Variants in MAST3 observed in about 807,000 individuals in gnomAD.
The protein encoded by MAST3 is microtubule associated serine/threonine kinase 3.
A neutral mutation model predicts 127.0 loss-of-function variants in MAST3; 43 were observed. The observed-to-expected ratio is 0.34, with a 90% CI of 0.27 to 0.44. MAST3 has a LOEUF of 0.44. Ranked by LOEUF, MAST3 falls within the 20% of genes least tolerant of loss-of-function variation. The pLI is 1.00. For synonymous variants in MAST3, 785 were observed against 809.2 expected (o/e 0.97, Z 0.51); for missense variants, 1,390 against 1,919.1 (o/e 0.72, Z 5.15).
intron 5 of MAST3, among the ~76,000 whole-genome samples, chr19:18,122,469 C>G (rs273486): frequency 0.94 from 142,156 of 151,018 alleles, 66,941 homozygotes; most frequent in East Asian, 0.96. Flanking sequence ...GGCAGCTGGA[C>G]TCACGGGGGG....
chr19:18,124,202 G>A (rs1291197964), intron 9 of MAST3, 54 bp downstream of exon 9: 2 of 1,590,384 alleles, frequency 1.3e-6, no homozygotes, highest in Non-Finnish European at 1.7e-6. Flanking sequence ...GTGGAGTGAG[G>A]GGGGTCCCCA....
rs950093205 is a variant in MAST3, at chr19:18,142,084, T to C, written c.2339+69T>C. The C allele has an allele frequency of 9.7e-6, 13 of 1,338,000 alleles. No homozygotes were observed. In the African/African-American group the frequency reaches 1.8e-4, roughly 19 times the overall value. The allele number at this position is 1,338,000 out of a possible 1,614,324, so 82.9% of individuals were successfully genotyped here. The stretch of plus-strand genomic sequence containing the variant: ...TGCTGGGAGGTAGAGACACAAAATC[T>C]GATGCAAAGGGAGCTTCCTAGTGGC... On this transcript the variant is annotated intron_variant, in intron 21 of 27. Transcript: ENST00000687212.
chr19:18,110,208 T>A lies in MAST3; in HGVS notation c.72-444T>A, dbSNP rs2146925588. 2.0e-6 allele frequency: 2 copies of A among 985,424 alleles called. No homozygotes were observed. Among genetic ancestry groups the A allele is most frequent in the East Asian group, 2.3e-4 (2 of 8,800 alleles). 61.0% of individuals were successfully genotyped at this position (985,424 alleles called of 1,614,324 possible). On this transcript the variant is annotated intron_variant, in intron 2 of 27. Transcript: ENST00000687212. This position sits in a 1 kb window ranked among gnomAD's most constrained non-coding sequence, Gnocchi z 4.3. ...GTCTGCCGCACCAGCCAGGCGTCTG[T>A]CCCTGCGTCCGTGTGTCCGTCCGTC... is the stretch of plus-strand genomic sequence containing the variant.
intron 12 of MAST3, 24 bp downstream of exon 12, chr19:18,128,482 C>A: frequency 4.5e-6 from 7 of 1,550,008 alleles, no homozygotes; most frequent in Non-Finnish European, 6.1e-6. Flanking sequence ...GCTGGGGGAC[C>A]CCCGCTCATC....
chr19:18,106,165 G>A (rs1249771042), intron 1 of MAST3, among the ~76,000 whole-genome samples: 1 of 151,984 alleles, frequency 6.6e-6, no homozygotes, highest in African/African-American at 2.4e-5. Context: ...ATAGTTCACT[G>A]CAACCTCCAA....
At chr19:18,106,887 G>A (rs2146872021) in intron 1 of MAST3, among the ~76,000 whole-genome samples, 1 of 150,232 alleles carries the variant, frequency 6.7e-6, no homozygotes, top group South Asian at 2.1e-4. Context: ...GCCTTTTTTT[G>A]GAGACAGGGC....
chr19:18,136,331 G>C (rs139745497), intron 18 of MAST3, among the ~76,000 whole-genome samples: 4 of 152,354 alleles, frequency 2.6e-5, no homozygotes, highest in Non-Finnish European at 5.9e-5. Flanking sequence ...GGAGGCCCTC[G>C]TAAGGCTCTG....
Position 18,123,919 on chromosome 19 carries a change from C to A in MAST3, c.634-20C>A. The A allele has an allele frequency of 1.3e-6, 2 of 1,542,288 alleles. No homozygotes were observed. Among genetic ancestry groups the A allele is most frequent in the Non-Finnish European group, 1.7e-6 (2 of 1,149,066 alleles). Reference sequence around the variant, plus strand: ...CCAGCCCCGCCCTCTGACCAGGTCGCCCCGTCTCGCCCCACCCAGGCCACA... The same window carrying A: ...CCAGCCCCGCCCTCTGACCAGGTCGACCCGTCTCGCCCCACCCAGGCCACA... On this transcript the variant is annotated intron_variant, in intron 8 of 27. Transcript: ENST00000687212.
rs1208975641 is a variant in MAST3, at chr19:18,150,693, G to C, written c.*967G>C. The C allele has an allele frequency of 6.6e-6, 1 of 152,316 alleles. No individual in the cohort carries two copies. Among genetic ancestry groups the C allele is most frequent in the Admixed American group, 6.5e-5 (1 of 15,284 alleles). 9.4% of individuals were successfully genotyped at this position (152,316 alleles called of 1,614,324 possible). A position where few individuals can be genotyped will look rare whatever the true frequency, so the allele number is the denominator to read the frequency against. On this transcript the variant is annotated 3_prime_UTR_variant, in exon 28 of 28. Coordinates refer to ENST00000687212, the MANE Select transcript of MAST3 (RefSeq NM_001393504.1). ...AGGCAGTGCCTGCTCTATATATAGA[G>C]TCTGCCTCCAATCCTGCTGGCTTCA...
chr19:18,123,857 A>G (rs2040282122), intron 8 of MAST3, 82 bp from the exon 9 acceptor site: 1 of 1,336,310 alleles, frequency 7.5e-7, no homozygotes, highest in Non-Finnish European at 1.0e-6. Context: ...CTCTCTCCCC[A>G]ACCATGCCTC....
intron 13 of MAST3, among the ~76,000 whole-genome samples, chr19:18,130,143 G>T (rs1286334208): frequency 6.6e-6 from 1 of 151,948 alleles, no homozygotes; most frequent in African/African-American, 2.4e-5. Context: ...AGCCGGGGGG[G>T]TGGTAAAGAC....
chr19:18,147,387 G>A, intron 26 of MAST3, 56 bp from the exon 27 acceptor site: 1 of 1,518,556 alleles, frequency 6.6e-7, no homozygotes, highest in South Asian at 1.2e-5. Context: ...ACAGGTGTGA[G>A]CCACCATGCC....
Position 18,144,399 on chromosome 19 carries a change from C to T in MAST3, c.2585-67C>T, listed in dbSNP as rs1361941990. The T allele has an allele frequency of 2.2e-6, 3 of 1,373,422 alleles. No homozygotes were observed. Among genetic ancestry groups the T allele is most frequent in the East Asian group, 5.0e-5 (2 of 40,142 alleles). 85.1% of individuals were successfully genotyped at this position (1,373,422 alleles called of 1,614,324 possible). A position where few individuals can be genotyped will look rare whatever the true frequency, so the allele number is the denominator to read the frequency against. On this transcript the variant is annotated intron_variant, in intron 22 of 27. Transcript: ENST00000687212. This position sits in a 1 kb window ranked among gnomAD's most constrained non-coding sequence, Gnocchi z 4.0. Reference sequence around the variant, plus strand: ...TAAATAGTGACCAGGGAGGAAGGGCCTTAAGGTCCCTTTAGGACCACATGG... The same window carrying T: ...TAAATAGTGACCAGGGAGGAAGGGCTTTAAGGTCCCTTTAGGACCACATGG...
chr19:18,136,379 A>C (rs752823830), intron 18 of MAST3, among the ~76,000 whole-genome samples: 3 of 152,140 alleles, frequency 2.0e-5, no homozygotes, highest in Non-Finnish European at 4.4e-5. Context: ...ATGGCAGCAG[A>C]GAGAAGGGCA....
At chr19:18,125,430 G>T (rs1257627047) in intron 11 of MAST3, among the ~76,000 whole-genome samples, 1 of 152,150 alleles carries the variant, frequency 6.6e-6, no homozygotes, top group Non-Finnish European at 1.5e-5. Context: ...CAACCCGTAG[G>T]TAAGAAGACG....
intron 21 of MAST3, 84 bp from the exon 22 acceptor site, chr19:18,143,679 A>C (rs1446632022): frequency 6.5e-7 from 1 of 1,544,746 alleles, no homozygotes; most frequent in African/African-American, 1.4e-5. Flanking sequence ...GCAGACTGAG[A>C]GTTAAGATGT....
chr19:18,129,192 G>A, intron 13 of MAST3: 1 of 525,508 alleles, frequency 1.9e-6, no homozygotes, highest in Non-Finnish European at 3.4e-6. Context: ...GGGCGTTCTA[G>A]GGGCTTGGGG....
At chr19:18,146,258 G>T (rs1025678121) in intron 25 of MAST3, among the ~76,000 whole-genome samples, 1 of 152,216 alleles carries the variant, frequency 6.6e-6, no homozygotes, top group African/African-American at 2.4e-5. Flanking sequence ...GGGCAACAGA[G>T]CGAGACCCCC....
intron 3 of MAST3, among the ~76,000 whole-genome samples, chr19:18,121,091 GGT>G (rs1231478126): frequency 3.3e-5 from 5 of 152,086 alleles, no homozygotes; most frequent in Middle Eastern, 3.2e-3. Flanking sequence ...CCTGACCTCA[GGT>G]GATCCGCATG....
Sources: gnomAD v4.1 joint callset for allele counts (sites outside exome capture counted in the v4.1 genomes callset) on GRCh38, gnomAD v4.1.1 for gene constraint, Gnocchi (gnomAD v3.1) non-coding constraint, MANE v1.5 for transcripts, NCBI Gene and HGNC (gene_info 2026-07-23, HGNC 2026-07-21) for gene names.